SLC7A14: variants seen among roughly 807,000 people sequenced by gnomAD.
SLC7A14 encodes gamma-aminobutyric acid transporter SLC7A14.
In SLC7A14, 37 loss-of-function variants were observed where a neutral mutation model predicts 60.2. That is an observed-to-expected ratio of 0.61 (90% confidence interval 0.47 to 0.81). The LOEUF (loss-of-function observed/expected upper bound fraction) is 0.81, where lower values mean the gene tolerates loss of function less well. Ranked by LOEUF, SLC7A14 falls within the 30% of genes least tolerant of loss-of-function variation. SLC7A14 has a pLI of 0.00. For synonymous variants in SLC7A14, 399 were observed against 395.8 expected (o/e 1.01, Z -0.10); for missense variants, 886 against 982.7 (o/e 0.90, Z 1.32).
chr3:170,568,215 C>G (rs1439818689), intron 1 of SLC7A14, among the ~76,000 whole-genome samples: 1 of 152,078 alleles, frequency 6.6e-6, no homozygotes, highest in Admixed American at 6.5e-5. Context: ...CCAGTTTCAG[C>G]TTTCTACATA....
intron 2 of SLC7A14, among the ~76,000 whole-genome samples, chr3:170,511,188 G>A (rs139335132): frequency 2.6e-4 from 39 of 152,056 alleles, no homozygotes; most frequent in African/African-American, 9.2e-4. Flanking sequence ...TGGATCACTC[G>A]GGAGTTCGAG....
At chr3:170,541,495 C>T (rs1392093185) in intron 1 of SLC7A14, among the ~76,000 whole-genome samples, 1 of 152,090 alleles carries the variant, frequency 6.6e-6, no homozygotes, top group East Asian at 1.9e-4. Flanking sequence ...ACTTAGAAGG[C>T]TGACACAGGA....
chr3:170,526,724 C>A lies in SLC7A14; in HGVS notation c.213G>T (p.Met71Ile). 1.2e-6 allele frequency: 2 copies of A among 1,614,262 alleles called. No individual in the cohort carries two copies. Among genetic ancestry groups the A allele is most frequent in the African/African-American group, 2.7e-5 (2 of 75,078 alleles). The change falls in exon 2 of 8, where the codon ATG becomes ATT. Residue 71 changes from methionine to isoleucine, a missense_variant. By Grantham distance (10) the Met-to-Ile change is conservative. Coordinates refer to ENST00000231706, the MANE Select transcript of SLC7A14 (RefSeq NM_020949.3). ...LGVGSCVGTG[M>I]YVVSGLVAKE... The stretch of plus-strand genomic sequence containing the variant: ...TGGCCACCAGGCCAGAGACCACATA[C>A]ATGCCAGTGCCCACACAGCTGCCAA...
At chr3:170,538,799 C>T (rs1713926459) in intron 1 of SLC7A14, among the ~76,000 whole-genome samples, 1 of 152,248 alleles carries the variant, frequency 6.6e-6, no homozygotes. Context: ...CAATGTGATA[C>T]AAGGAAGTCT....
chr3:170,577,586 CCGCAG>C lies in SLC7A14; in HGVS notation c.-153+8320_-153+8324del. On this transcript the variant is annotated intron_variant, in intron 1 of 7. Coordinates refer to ENST00000231706, the MANE Select transcript of SLC7A14 (RefSeq NM_020949.3). ...TGAGCCGAGATTGCGCCACTGCAGTCCGCAGTCCGGCCTGGGCGACAGAGCGAGAC... is the reference window on the plus strand; with the variant it reads ...TGAGCCGAGATTGCGCCACTGCAGTCTCCGGCCTGGGCGACAGAGCGAGAC... Among the ~76,000 whole-genome samples the C allele has an allele frequency of 4.2e-5, 6 of 142,342 alleles. No homozygotes were observed. The South Asian group carries it at 1.4e-3, about 33-fold the overall frequency. 93.4% of individuals were successfully genotyped at this position (142,342 alleles called of 152,430 possible).
intron 1 of SLC7A14, among the ~76,000 whole-genome samples, chr3:170,568,326 C>T (rs886285333): frequency 2.5e-4 from 38 of 152,122 alleles, no homozygotes; most frequent in East Asian, 7.7e-4. Context: ...TGTAGATATG[C>T]GGTGTTATTT....
chr3:170,553,066 T>A (rs1314292607), intron 1 of SLC7A14, among the ~76,000 whole-genome samples: 1 of 152,198 alleles, frequency 6.6e-6, no homozygotes, highest in Non-Finnish European at 1.5e-5. Context: ...AGTTGTGCCC[T>A]GCCTTGAGCT....
chr3:170,496,449 C>T, intron 4 of SLC7A14: 3 of 1,260,442 alleles, frequency 2.4e-6, no homozygotes, highest in Admixed American at 1.7e-5. Flanking sequence ...AGATACCGAG[C>T]AGCGTGGGGA....
chr3:170,487,089 C>T (rs1439803881), intron 4 of SLC7A14, among the ~76,000 whole-genome samples: 2 of 144,940 alleles, frequency 1.4e-5, no homozygotes, highest in Non-Finnish European at 3.0e-5. Context: ...TTTGTTGCTC[C>T]TTTTGGGGCT....
rs986221343 is a variant in SLC7A14 at position 170,535,016 on chromosome 3, T to G, written c.-152-7928A>C. ...ACTGAGCGTTGAGACACCACGTTTCTCCTTCGATGCCCCAGTCAGGGAGGG... is the reference window on the plus strand; with the variant it reads ...ACTGAGCGTTGAGACACCACGTTTCGCCTTCGATGCCCCAGTCAGGGAGGG... On this transcript the variant is annotated intron_variant, in intron 1 of 7. Coordinates refer to ENST00000231706, the MANE Select transcript of SLC7A14 (RefSeq NM_020949.3). The surrounding 1 kb of genome is among the most constrained non-coding windows in gnomAD (Gnocchi z 4.3). 5.3e-5 allele frequency among the ~76,000 whole-genome samples: 8 copies of G among 152,216 alleles called. No homozygotes were observed. The highest frequency in any genetic ancestry group is 2.0e-4 in the Admixed American group (3 of 15,288).
chr3:170,507,845 G>T (rs1045234869), intron 2 of SLC7A14, among the ~76,000 whole-genome samples: 3 of 152,172 alleles, frequency 2.0e-5, no homozygotes, highest in East Asian at 1.9e-4. Context: ...ACCGAGGCTG[G>T]TCTGCTCAAG....
At chr3:170,515,040 C>A (rs560699247) in intron 2 of SLC7A14, among the ~76,000 whole-genome samples, 5 of 152,064 alleles carry the variant, frequency 3.3e-5, no homozygotes, top group Admixed American at 2.6e-4. Context: ...GGGCTAAGCA[C>A]GGTGGCTCAT....
intron 7 of SLC7A14, among the ~76,000 whole-genome samples, chr3:170,472,113 A>G (rs1739926436): frequency 6.6e-6 from 1 of 152,002 alleles, no homozygotes; most frequent in Non-Finnish European, 1.5e-5. Context: ...TCATGCCTGT[A>G]ATCCCAGCAC....
intron 1 of SLC7A14, among the ~76,000 whole-genome samples, chr3:170,584,755 G>A (rs983626589): frequency 1.3e-5 from 2 of 152,180 alleles, no homozygotes; most frequent in Non-Finnish European, 2.9e-5. Context: ...GAGGAGGAGA[G>A]CTACCTTGCC....
In SLC7A14 at chr3:170,585,174, G is replaced by C. The variant is rs562860220; in HGVS notation, c.-153+737C>G. Among the ~76,000 whole-genome samples, 46 of 152,306 alleles carry C rather than the reference G, an allele frequency of 3.0e-4. No individual in the cohort carries two copies. The Middle Eastern group carries it at 0.01, about 34-fold the overall frequency. On this transcript the variant is annotated intron_variant, in intron 1 of 7. Transcript: ENST00000231706. This position sits in a 1 kb window ranked among gnomAD's most constrained non-coding sequence, Gnocchi z 5.1. ...TGATGTGCTTTGGAATGGGAGAAGAGAGGAGACTGAGGGTTGAAGCAGTGC... is the reference window on the plus strand; with the variant it reads ...TGATGTGCTTTGGAATGGGAGAAGACAGGAGACTGAGGGTTGAAGCAGTGC...
intron 1 of SLC7A14, among the ~76,000 whole-genome samples, chr3:170,562,937 T>G (rs569728495): frequency 7.4e-4 from 112 of 152,050 alleles, no homozygotes; most frequent in African/African-American, 2.6e-3. Context: ...ATTTTTGTAT[T>G]TTTTAGTAGA....
At chr3:170,528,007 G>C (rs911392978) in intron 1 of SLC7A14, among the ~76,000 whole-genome samples, 1 of 152,144 alleles carries the variant, frequency 6.6e-6, no homozygotes, top group Admixed American at 6.5e-5. Flanking sequence ...AGAAAACCAA[G>C]GACCCCATGG....
At chr3:170,495,156 A>T (rs2108276729) in intron 4 of SLC7A14, among the ~76,000 whole-genome samples, 1 of 152,362 alleles carries the variant, frequency 6.6e-6, no homozygotes, top group South Asian at 2.1e-4. Context: ...CAACCGTAAC[A>T]AGCTGCACAT....
intron 7 of SLC7A14, among the ~76,000 whole-genome samples, chr3:170,475,549 G>A (rs1186169380): frequency 6.6e-6 from 1 of 152,130 alleles, no homozygotes; most frequent in Non-Finnish European, 1.5e-5. Context: ...GCAAAAAATA[G>A]TTTTTGAAAA....
Sources: allele counts gnomAD v4.1 joint callset (sites outside exome capture counted in the v4.1 genomes callset), GRCh38; gene constraint gnomAD v4.1.1; non-coding constraint Gnocchi (gnomAD v3.1); transcripts MANE v1.5; gene names NCBI Gene and HGNC (gene_info 2026-07-23, HGNC 2026-07-21).